The following ALK variants were observed in gnomAD, a reference collection of about 807,000 sequenced individuals.
The protein encoded by ALK is ALK receptor tyrosine kinase.
A neutral mutation model predicts 163.1 loss-of-function variants in ALK; 74 were observed. That is an observed-to-expected ratio of 0.45 (90% CI 0.38 to 0.55). ALK has a LOEUF of 0.55. Among genes scored for constraint, ALK ranks in the 20% least tolerant of loss-of-function variants. The pLI is 0.00. For missense variants in ALK, 2,063 were observed against 2,105.3 expected (o/e 0.98, Z 0.39); for synonymous variants, 960 against 843.2 (o/e 1.14, Z -2.40).
intron 4 of ALK, among the ~76,000 whole-genome samples, chr2:29,498,906 A>G (rs1176530464): frequency 6.6e-6 from 1 of 152,194 alleles, no homozygotes; most frequent in Non-Finnish European, 1.5e-5. Context: ...ACGCAGATTC[A>G]CAGGAGTATA....
chr2:29,736,490 T>G (rs902683738), intron 1 of ALK, among the ~76,000 whole-genome samples: 1 of 152,078 alleles, frequency 6.6e-6, no homozygotes, highest in Non-Finnish European at 1.5e-5. Context: ...AAGTAACTTA[T>G]ATTTTAGTAC....
intron 6 of ALK, among the ~76,000 whole-genome samples, chr2:29,326,658 T>A (rs913862181): frequency 1.3e-5 from 2 of 152,252 alleles, no homozygotes; most frequent in Non-Finnish European, 2.9e-5. Context: ...CTGAGTTTTA[T>A]CTAAAAACAT....
chr2:29,865,982 C>T (rs959632530), intron 1 of ALK, among the ~76,000 whole-genome samples: 2 of 152,158 alleles, frequency 1.3e-5, no homozygotes, highest in African/African-American at 4.8e-5. Context: ...ATGTTATCTT[C>T]AGCATCTAGC....
chr2:29,551,643 T>C (rs1009358698), intron 3 of ALK, among the ~76,000 whole-genome samples: 1 of 152,098 alleles, frequency 6.6e-6, no homozygotes, highest in Non-Finnish European at 1.5e-5. Flanking sequence ...AAGCTCTCAT[T>C]AGAAGAGAGA....
chr2:29,815,168 A>C (rs1315154644), intron 1 of ALK, among the ~76,000 whole-genome samples: 1 of 151,594 alleles, frequency 6.6e-6, no homozygotes, highest in Non-Finnish European at 1.5e-5. Context: ...CTATCACTTA[A>C]TAATGGTGCA....
At chr2:29,204,504 T>A (rs912857704) in intron 26 of ALK, among the ~76,000 whole-genome samples, 5 of 149,474 alleles carry the variant, frequency 3.3e-5, no homozygotes, top group African/African-American at 1.2e-4. Flanking sequence ...GGTTACGGGA[T>A]GTGGGGAGGA....
intron 8 of ALK, among the ~76,000 whole-genome samples, chr2:29,300,632 A>G (rs1038266683): frequency 1.4e-4 from 21 of 152,124 alleles, no homozygotes; most frequent in Non-Finnish European, 2.2e-4. Context: ...GGATGAGGAG[A>G]AAGGTGGATC....
chr2:29,436,382 C>T (rs1017034773), intron 4 of ALK, among the ~76,000 whole-genome samples: 1 of 152,226 alleles, frequency 6.6e-6, no homozygotes, highest in Admixed American at 6.5e-5. Context: ...TTCCTAATCA[C>T]TTCCCAGTTC....
At chr2:29,471,308 G>A (rs937357086) in intron 4 of ALK, among the ~76,000 whole-genome samples, 7 of 152,092 alleles carry the variant, frequency 4.6e-5, no homozygotes, top group African/African-American at 1.4e-4. Flanking sequence ...GCATAACTTT[G>A]ATAACAAAAT....
At chr2:29,750,907 T>C (rs528767122) in intron 1 of ALK, among the ~76,000 whole-genome samples, 145 of 150,266 alleles carry the variant, frequency 9.6e-4, no homozygotes, top group Admixed American at 2.2e-3. Context: ...CCATCTCTAC[T>C]AAAAATACAA....
At position 29,272,722 on chromosome 2, in the gene ALK, T is replaced by C. The variant is rs565172778; in HGVS notation, c.2041+2377A>G. On this transcript the variant is annotated intron_variant, in intron 11 of 28. Transcript: ENST00000389048. Reference sequence around the variant, plus strand: ...TCTTATTATCCTGTCTCCTCGATTGTTTGTCAGAAGGTTGGGAGCTGATTT... The same window carrying C: ...TCTTATTATCCTGTCTCCTCGATTGCTTGTCAGAAGGTTGGGAGCTGATTT... Among the ~76,000 whole-genome samples the C allele has an allele frequency of 5.3e-5, 8 of 152,360 alleles. No homozygotes were observed. The East Asian group carries it at 1.5e-3, about 29-fold the overall frequency.
At chr2:29,200,163 C>A (rs1669121467) in intron 26 of ALK, among the ~76,000 whole-genome samples, 2 of 152,114 alleles carry the variant, frequency 1.3e-5, no homozygotes, top group African/African-American at 4.8e-5. Flanking sequence ...AATTGCCTGG[C>A]ACATATATTA....
chr2:29,193,621 A>C lies in ALK; in HGVS notation c.4466T>G (p.Leu1489Trp), dbSNP rs747098710. 1 of 1,614,224 alleles carries C rather than the reference A, an allele frequency of 6.2e-7. No individual in the cohort carries two copies. Among genetic ancestry groups the C allele is most frequent in the African/African-American group, 1.3e-5 (1 of 75,052 alleles). The stretch of plus-strand genomic sequence containing the variant: ...GTTTCTGGATCCGTGGACCTTGTGC[A>C]ACTCCGAAGGAGGGTTGGACTGAGA... ...AFSQSNPPSE[L>W]HKVHGSRNKP... The change falls in exon 29 of 29, where the codon TTG becomes TGG. Residue 1489 changes from leucine to tryptophan, a missense_variant. By Grantham distance (61) the Leu-to-Trp change is moderately conservative. Around this residue, in one of 5 missense-constraint regions of ALK, gnomAD observed 403 missense variants for 366.2 expected, o/e 1.10. Transcript: ENST00000389048.
At chr2:29,866,876 C>T (rs891628821) in intron 1 of ALK, among the ~76,000 whole-genome samples, 8 of 152,182 alleles carry the variant, frequency 5.3e-5, no homozygotes, top group African/African-American at 1.9e-4. Flanking sequence ...GGTTCCCTCC[C>T]TATAATCTGT....
intron 1 of ALK, among the ~76,000 whole-genome samples, chr2:29,869,054 T>A (rs1431810053): frequency 6.6e-6 from 1 of 151,960 alleles, no homozygotes; most frequent in Non-Finnish European, 1.5e-5. Flanking sequence ...CTTTCACCCA[T>A]CCCCCAGCCA....
At chr2:29,893,643 G>A (rs1440361626) in intron 1 of ALK, among the ~76,000 whole-genome samples, 1 of 152,030 alleles carries the variant, frequency 6.6e-6, no homozygotes, top group Non-Finnish European at 1.5e-5. Flanking sequence ...TGAATTCCCT[G>A]GTATACAATC....
chr2:29,866,345 T>C (rs1666433945), intron 1 of ALK, among the ~76,000 whole-genome samples: 2 of 152,318 alleles, frequency 1.3e-5, no homozygotes, highest in South Asian at 4.1e-4. Flanking sequence ...AGTCAGCCCA[T>C]CCATGTTTGC....
At chr2:29,899,739 T>C (rs750187243) in intron 1 of ALK, 1 of 151,640 alleles carries the variant, frequency 6.6e-6, no homozygotes, top group Non-Finnish European at 1.5e-5. Context: ...GGCAGAAGAA[T>C]TGCTTGAACC....
intron 1 of ALK, among the ~76,000 whole-genome samples, chr2:29,758,708 C>T (rs1680611019): frequency 6.6e-6 from 1 of 152,186 alleles, no homozygotes; most frequent in Non-Finnish European, 1.5e-5. Context: ...CTGGCCTCTT[C>T]CTGCTTTTTT....
Sources: gnomAD v4.1 joint callset for allele counts (sites outside exome capture counted in the v4.1 genomes callset) on GRCh38, gnomAD v4.1.1 for gene constraint, gnomAD v4.1.1 regional missense constraint, MANE v1.5 for transcripts, NCBI Gene and HGNC (gene_info 2026-07-23, HGNC 2026-07-21) for gene names.